The following KSR2 variants were observed in gnomAD, a reference collection of about 807,000 sequenced individuals.
The protein encoded by KSR2 is kinase suppressor of ras 2.
In KSR2, 25 loss-of-function variants were observed where a neutral mutation model predicts 107.8. The ratio of observed to expected loss-of-function variants is 0.23; its 90% CI spans 0.17 to 0.32. The LOEUF is 0.32. Ranked by LOEUF, KSR2 falls within the 10% of genes least tolerant of loss-of-function variation. The pLI is 1.00. For missense variants in KSR2, 887 were observed against 1,268.9 expected (o/e 0.70, Z 4.57); for synonymous variants, 480 against 507.0 (o/e 0.95, Z 0.71).
At chr12:117,722,957 G>A (rs1387309890) in intron 4 of KSR2, among the ~76,000 whole-genome samples, 2 of 152,148 alleles carry the variant, frequency 1.3e-5, no homozygotes, top group Non-Finnish European at 2.9e-5. Flanking sequence ...GTATTCCCAT[G>A]GCTGCAAGGG....
intron 4 of KSR2, among the ~76,000 whole-genome samples, chr12:117,719,793 A>C (rs1955358448): frequency 6.6e-6 from 1 of 152,272 alleles, no homozygotes; most frequent in South Asian, 2.1e-4. Context: ...GCAATTACAA[A>C]GAAGATGACC....
At chr12:117,702,898 A>AT (rs1886382065) in intron 4 of KSR2, among the ~76,000 whole-genome samples, 2 of 152,254 alleles carry the variant, frequency 1.3e-5, no homozygotes, top group South Asian at 4.1e-4. Context: ...TGTTTGGGCC[A>AT]TTTTTCTCTT....
At chr12:117,732,631 G>A (rs909676725) in intron 4 of KSR2, among the ~76,000 whole-genome samples, 2 of 152,148 alleles carry the variant, frequency 1.3e-5, no homozygotes, top group African/African-American at 4.8e-5. Flanking sequence ...ACCCTCACCT[G>A]CTCTCCTTGA....
At chr12:117,593,755 C>T (rs554702951) in intron 5 of KSR2, among the ~76,000 whole-genome samples, 3 of 152,344 alleles carry the variant, frequency 2.0e-5, no homozygotes, top group African/African-American at 4.8e-5. Flanking sequence ...CATTAAGAGG[C>T]GGATGGCCCC....
In KSR2 at chr12:117,822,063, G is replaced by A. The variant is rs145624530; in HGVS notation, c.472+33365C>T. Reference sequence around the variant, plus strand: ...ATAGCAATGAGAGTGACCTCTGGTCGTCCTCACTGCTACACTCCCATTAGC... The same window carrying A: ...ATAGCAATGAGAGTGACCTCTGGTCATCCTCACTGCTACACTCCCATTAGC... On this transcript the variant is annotated intron_variant, in intron 3 of 19. Transcript: ENST00000339824. Among the ~76,000 whole-genome samples the A allele has an allele frequency of 2.8e-3, 422 of 152,286 alleles. 4 individuals are homozygous for A. The highest frequency in any genetic ancestry group is 9.4e-3 in the African/African-American group (392 of 41,560).
chr12:117,679,534 C>A (rs1264778498), intron 4 of KSR2, among the ~76,000 whole-genome samples: 1 of 152,180 alleles, frequency 6.6e-6, no homozygotes, highest in Admixed American at 6.5e-5. Flanking sequence ...ACATCCGCAC[C>A]AGCACAGACC....
intron 5 of KSR2, among the ~76,000 whole-genome samples, chr12:117,630,315 A>C (rs1393161182): frequency 6.6e-6 from 1 of 152,158 alleles, no homozygotes; most frequent in Non-Finnish European, 1.5e-5. Context: ...GTTGAAGACA[A>C]TATGGTGGTA....
At chr12:117,848,761 A>AATGATGGTGGTGGGTGG in intron 3 of KSR2, among the ~76,000 whole-genome samples, 2 of 99,652 alleles carry the variant, frequency 2.0e-5, no homozygotes, top group Non-Finnish European at 5.4e-5. Flanking sequence ...GGTGATGGCG[A>AATGATGGTGGTGGGTGG]TGATGGTGGT....
chr12:117,879,337 T>A (rs952603602), intron 1 of KSR2, among the ~76,000 whole-genome samples: 10 of 152,230 alleles, frequency 6.6e-5, no homozygotes, highest in African/African-American at 1.9e-4. Context: ...ACTGAATAAC[T>A]AATTTAGACA....
chr12:117,889,440 T>G (rs1465090527), intron 1 of KSR2: 2 of 152,190 alleles, frequency 1.3e-5, no homozygotes, highest in Non-Finnish European at 2.9e-5. Context: ...CGCAGCCTCT[T>G]AGCTCTTGGG....
intron 4 of KSR2, among the ~76,000 whole-genome samples, chr12:117,751,077 G>A (rs925708669): frequency 1.3e-5 from 2 of 152,176 alleles, no homozygotes; most frequent in Non-Finnish European, 2.9e-5. Flanking sequence ...ACCAGGTGCA[G>A]ATAAATGAAT....
intron 1 of KSR2, among the ~76,000 whole-genome samples, chr12:117,935,483 G>A (rs1237715533): frequency 6.6e-6 from 1 of 152,166 alleles, no homozygotes; most frequent in Non-Finnish European, 1.5e-5. Context: ...TCATGGGCCG[G>A]GCATGGTGGT....
intron 4 of KSR2, among the ~76,000 whole-genome samples, chr12:117,676,172 A>G (rs1283996238): frequency 6.6e-6 from 1 of 152,192 alleles, no homozygotes; most frequent in Non-Finnish European, 1.5e-5. Context: ...TGTAACACCA[A>G]GGGGATGTTT....
intron 3 of KSR2, among the ~76,000 whole-genome samples, chr12:117,844,603 A>G (rs556621604): frequency 1.3e-5 from 2 of 152,220 alleles, no homozygotes; most frequent in East Asian, 3.9e-4. Flanking sequence ...CCAAATTTCC[A>G]CCACATATTT....
At chr12:117,473,077 T>G (rs1871573454) in intron 17 of KSR2, among the ~76,000 whole-genome samples, 1 of 152,094 alleles carries the variant, frequency 6.6e-6, no homozygotes, top group East Asian at 1.9e-4. Context: ...CCTGCTGAAA[T>G]CATTCAAACA....
intron 6 of KSR2, among the ~76,000 whole-genome samples, chr12:117,579,907 C>G (rs534638770): frequency 1.3e-5 from 2 of 152,184 alleles, no homozygotes; most frequent in African/African-American, 4.8e-5. Context: ...ATTCGATTAA[C>G]TCCCTGGGCA....
chr12:117,761,467 T>C lies in KSR2; in HGVS notation c.530A>G (p.Lys177Arg). ...TIQWPTTETG[K>R]ENNPVCPPEP... Reference sequence around the variant, plus strand: ...CGGGGGGCACACGGGATTGTTCTCCTTCCCCGTCTCTGTCGTGGGCCACTG... The same window carrying C: ...CGGGGGGCACACGGGATTGTTCTCCCTCCCCGTCTCTGTCGTGGGCCACTG... Residue 177 changes from lysine (K) to arginine (R), a missense_variant, in exon 4 of 20, where the codon AAG becomes AGG. Lys to Arg is a conservative substitution (Grantham distance 26, BLOSUM62 2). This residue lies in a region of KSR2 where 399 missense variants were observed against 479.5 expected (regional missense o/e 0.83). Transcript: ENST00000339824. 2 of 1,613,284 alleles carry C rather than the reference T, an allele frequency of 1.2e-6. No homozygotes were observed. The highest frequency in any genetic ancestry group is 1.1e-5 in the South Asian group (1 of 91,066).
In KSR2 at chr12:117,469,724, C is replaced by T; in HGVS notation, c.2784G>A (p.Leu928=). The T allele has an allele frequency of 1.2e-6, 2 of 1,613,804 alleles. No individual in the cohort carries two copies. Among genetic ancestry groups the T allele is most frequent in the South Asian group, 2.2e-5 (2 of 90,974 alleles). Residue 928 remains leucine (L), a synonymous_variant, in exon 19 of 20, where the codon CTG becomes CTA. Transcript: ENST00000339824. ...RPTFTKLMDM[L]EKLPKRNRRL... is the part of the protein sequence containing the mutation. Reference sequence around the variant, plus strand: ...GACGGTTTCGCTTTGGCAGTTTCTCCAGCATGTCCATGAGCTTGGTGAAGG... The same window carrying T: ...GACGGTTTCGCTTTGGCAGTTTCTCTAGCATGTCCATGAGCTTGGTGAAGG...
At chr12:117,911,238 T>C (rs1593362353) in intron 1 of KSR2, among the ~76,000 whole-genome samples, 1 of 151,784 alleles carries the variant, frequency 6.6e-6, no homozygotes, top group African/African-American at 2.4e-5. Context: ...CTACGGATGG[T>C]GGGCTTGGTC....
Sources: gnomAD v4.1 joint callset for allele counts (sites outside exome capture counted in the v4.1 genomes callset) on GRCh38, gnomAD v4.1.1 for gene constraint, gnomAD v4.1.1 regional missense constraint, MANE v1.5 for transcripts, NCBI Gene and HGNC (gene_info 2026-07-23, HGNC 2026-07-21) for gene names.